Variants in C6 observed in about 807,000 individuals in gnomAD.
The protein encoded by C6 is complement component C6.
A neutral mutation model predicts 112.9 loss-of-function variants in C6; 101 were observed. That is an observed-to-expected ratio of 0.89 (90% CI 0.76 to 1.06). The LOEUF (loss-of-function observed/expected upper bound fraction) is 1.06, where lower values mean the gene tolerates loss of function less well. Ranked by LOEUF, C6 falls within the 50% of genes least tolerant of loss-of-function variation. The pLI, the probability that C6 is intolerant of heterozygous loss-of-function variation, is 0.00. For missense variants in C6, 1,202 were observed against 1,104.6 expected, an observed-to-expected ratio of 1.09 and a Z score of -1.25; for synonymous variants, 431 against 384.1, an observed-to-expected ratio of 1.12 and a Z score of -1.43.
At chr5:41,156,556 C>T (rs927642647) in intron 13 of C6, among the ~76,000 whole-genome samples, 12 of 152,074 alleles carry the variant, frequency 7.9e-5, no homozygotes, top group African/African-American at 2.9e-4. Flanking sequence ...GCAAGAGTAC[C>T]AAGAATTGAC....
intron 7 of C6, among the ~76,000 whole-genome samples, chr5:41,178,212 A>G (rs1387354566): frequency 6.6e-6 from 1 of 152,096 alleles, no homozygotes; most frequent in East Asian, 1.9e-4. Flanking sequence ...CTTTATTTTA[A>G]TAATATTATT....
intron 6 of C6, among the ~76,000 whole-genome samples, chr5:41,185,859 T>C (rs1487075927): frequency 6.6e-6 from 1 of 152,216 alleles, no homozygotes; most frequent in Non-Finnish European, 1.5e-5. Context: ...GTTTGACTTC[T>C]GGAAAATTAG....
At chr5:41,217,491 C>A (rs1355523835), upstream of C6, among the ~76,000 whole-genome samples, 2 of 152,086 alleles carry the variant, frequency 1.3e-5, no homozygotes, top group Non-Finnish European at 2.9e-5. Flanking sequence ...TAGCTAAATT[C>A]CACTATGTAG....
chr5:41,187,255 A>C (rs1449302835), intron 5 of C6, among the ~76,000 whole-genome samples: 2 of 152,150 alleles, frequency 1.3e-5, no homozygotes, highest in Non-Finnish European at 2.9e-5. Context: ...GTGGGGGCTC[A>C]AGGGAACTCT....
At chr5:41,191,461 GT>G in intron 5 of C6, among the ~76,000 whole-genome samples, 1 of 152,164 alleles carries the variant, frequency 6.6e-6, no homozygotes, top group Non-Finnish European at 1.5e-5. Context: ...AGTCATTCGT[GT>G]TTTAATAGGG....
intron 1 of C6, among the ~76,000 whole-genome samples, chr5:41,203,955 A>T (rs1751227349): frequency 1.3e-5 from 2 of 152,190 alleles, no homozygotes; most frequent in Non-Finnish European, 2.9e-5. Context: ...CAGTATCAAG[A>T]TGCCTGGAGC....
intron 1 of C6, among the ~76,000 whole-genome samples, chr5:41,234,350 G>GTTT (rs1316483722): frequency 7.8e-6 from 1 of 127,802 alleles, no homozygotes; most frequent in African/African-American, 3.4e-5. Context: ...TTTTTTTTTT[G>GTTT]TTTTTTGTTT....
chr5:41,217,082 T>G (rs952357209), upstream of C6, among the ~76,000 whole-genome samples: 3 of 152,108 alleles, frequency 2.0e-5, no homozygotes, highest in Non-Finnish European at 4.4e-5. Context: ...CCCTTGAAAC[T>G]TTTTCTTCCC....
At chr5:41,253,758 CAAT>C (rs1561208435) in intron 1 of C6, among the ~76,000 whole-genome samples, 1 of 152,102 alleles carries the variant, frequency 6.6e-6, no homozygotes, top group Non-Finnish European at 1.5e-5. Flanking sequence ...TCAACATCAA[CAAT>C]AAAGAAAGTG....
rs761028442 is a variant in C6 at position 41,142,810 on chromosome 5, C to T, written c.*15G>A. 5 of 1,601,412 alleles carry T rather than the reference C, an allele frequency of 3.1e-6. No homozygotes were observed. The highest frequency in any genetic ancestry group is 4.3e-6 in the Non-Finnish European group (5 of 1,168,792). ...GGTAAATCTGTTCATTGTGCTGGGCCTAGCAGTAATTGTGCTAGGCCAAAC... is the reference window on the plus strand; with the variant it reads ...GGTAAATCTGTTCATTGTGCTGGGCTTAGCAGTAATTGTGCTAGGCCAAAC... On this transcript the variant is annotated 3_prime_UTR_variant, in exon 18 of 18. Coordinates refer to ENST00000337836, the MANE Select transcript of C6 (RefSeq NM_000065.5).
At chr5:41,215,077 T>C (rs567928804), upstream of C6, among the ~76,000 whole-genome samples, 11 of 152,302 alleles carry the variant, frequency 7.2e-5, no homozygotes, top group South Asian at 2.3e-3. Context: ...TTAAATGACA[T>C]ATCTCACTCA....
intron 1 of C6, among the ~76,000 whole-genome samples, chr5:41,207,358 T>A (rs9654391): frequency 0.87 from 133,201 of 152,230 alleles, 58,379 homozygotes; most frequent in Admixed American, 0.93. Flanking sequence ...TAATGACGGG[T>A]TCAAATTCAC....
chr5:41,160,328 CA>C lies in C6; in HGVS notation c.1497del (p.Cys499TrpfsTer3). On this transcript the variant is annotated frameshift_variant, in exon 11 of 18. Transcript: ENST00000337836. LOFTEE classifies it high-confidence loss of function. ...PIVDLVRNIP[C>X]AVTKRNNLRK... ...CTGAGGTTGTTCCGTTTTGTCACTG[CA>C]CAGGGGATGTTTCTTACCAAGTCCA... 1 of 1,613,780 alleles carries C rather than the reference CA, an allele frequency of 6.2e-7. No individual in the cohort carries two copies. Among genetic ancestry groups the C allele is most frequent in the Non-Finnish European group, 8.5e-7 (1 of 1,179,816 alleles).
intron 1 of C6, among the ~76,000 whole-genome samples, chr5:41,208,772 A>G (rs1202925803): frequency 6.6e-6 from 1 of 152,138 alleles, no homozygotes; most frequent in Non-Finnish European, 1.5e-5. Flanking sequence ...ATGGATTCAC[A>G]GCCGAATTCT....
At chr5:41,192,169 T>C (rs1313206978) in intron 5 of C6, among the ~76,000 whole-genome samples, 1 of 152,206 alleles carries the variant, frequency 6.6e-6, no homozygotes, top group African/African-American at 2.4e-5. Context: ...ATATGTTTTG[T>C]TCTCTCTGTT....
intron 17 of C6, among the ~76,000 whole-genome samples, chr5:41,148,749 T>C (rs555240541): frequency 2.6e-5 from 4 of 152,272 alleles, no homozygotes; most frequent in African/African-American, 9.6e-5. Flanking sequence ...GGGCTCAGGG[T>C]GTCCTGCCTG....
chr5:41,229,421 T>C lies in C6; in HGVS notation c.-20-26171A>G, dbSNP rs112880316. Reference sequence around the variant, plus strand: ...ATATATTTTTAGCTTTTCTTTTTGATTTCTTCTTTGACCTGTCAGTTGTTC... The same window carrying C: ...ATATATTTTTAGCTTTTCTTTTTGACTTCTTCTTTGACCTGTCAGTTGTTC... On this transcript the variant is annotated intron_variant, in intron 1 of 17. Coordinates refer to the C6 transcript ENST00000263413. Among the ~76,000 whole-genome samples, 1,519 of 152,164 alleles carry C rather than the reference T, an allele frequency of 1.0e-2. 33 individuals are homozygous for C. The highest frequency in any genetic ancestry group is 0.035 in the African/African-American group (1,441 of 41,534).
At chr5:41,159,850 C>A (rs1580070808) in intron 11 of C6, among the ~76,000 whole-genome samples, 3 of 151,958 alleles carry the variant, frequency 2.0e-5, no homozygotes, top group East Asian at 3.9e-4. Context: ...TATATGTATT[C>A]TTGATATATA....
At chr5:41,253,587 C>T (rs1741497951) in intron 1 of C6, among the ~76,000 whole-genome samples, 1 of 152,172 alleles carries the variant, frequency 6.6e-6, no homozygotes, top group Non-Finnish European at 1.5e-5. Flanking sequence ...AATTTGTTTT[C>T]TCTCTCCCAG....
Sources: allele counts gnomAD v4.1 joint callset (sites outside exome capture counted in the v4.1 genomes callset), GRCh38; gene constraint gnomAD v4.1.1; transcripts MANE v1.5; gene names NCBI Gene and HGNC (gene_info 2026-07-23, HGNC 2026-07-21).